CSTPP1: variants seen among roughly 807,000 people sequenced by gnomAD.
CSTPP1 encodes the protein UPF0705 protein C11orf49.
At chr11:47,153,909 G>A in the CSTPP1 span, among the ~76,000 whole-genome samples, 1 of 152,192 alleles carries the variant, frequency 6.6e-6, no homozygotes, top group East Asian at 1.9e-4. Context: ...AGTGGAGAGA[G>A]ATTTAGAAAA....
At chr11:47,101,795 G>C in the CSTPP1 span, among the ~76,000 whole-genome samples, 1 of 152,060 alleles carries the variant, frequency 6.6e-6, no homozygotes, top group Non-Finnish European at 1.5e-5. Flanking sequence ...AAGCAAAACA[G>C]CCTTTATAAA....
At chr11:47,035,614 C>T in the CSTPP1 span, among the ~76,000 whole-genome samples, 2 of 152,142 alleles carry the variant, frequency 1.3e-5, no homozygotes, top group African/African-American at 4.8e-5. Context: ...TGTTTGCTTA[C>T]ATTTCTCTCC....
the CSTPP1 span, among the ~76,000 whole-genome samples, chr11:47,081,822 G>A: frequency 6.6e-6 from 1 of 151,970 alleles, no homozygotes; most frequent in South Asian, 2.1e-4. Flanking sequence ...CAGCTACAGT[G>A]GCTCATACCT....
chr11:47,145,419 G>A, the CSTPP1 span, among the ~76,000 whole-genome samples: 12 of 151,796 alleles, frequency 7.9e-5, no homozygotes, highest in East Asian at 2.0e-4. Flanking sequence ...GTGAAACCCC[G>A]TCTCTACTAA....
At chr11:46,979,885 C>T in the CSTPP1 span, among the ~76,000 whole-genome samples, 4 of 152,126 alleles carry the variant, frequency 2.6e-5, no homozygotes, top group East Asian at 7.7e-4. Context: ...TACACTCCAG[C>T]CTGGGTGACA....
chr11:47,016,398 A>AC, the CSTPP1 span, among the ~76,000 whole-genome samples: 4 of 139,664 alleles, frequency 2.9e-5, no homozygotes, highest in Admixed American at 1.4e-4. Flanking sequence ...TACAAAAAAC[A>AC]AAAAACAAAA....
chr11:47,155,638 G>A, the CSTPP1 span: 3 of 236,112 alleles, frequency 1.3e-5, no homozygotes, highest in Non-Finnish European at 2.5e-5. Context: ...TTGAGAGAGA[G>A]TCCTTTCAGA....
the CSTPP1 span, among the ~76,000 whole-genome samples, chr11:47,136,089 C>T: frequency 3.9e-5 from 6 of 152,164 alleles, no homozygotes; most frequent in African/African-American, 1.4e-4. Context: ...AACACTCTGA[C>T]TCTCCCTAAG....
chr11:47,012,864 C>T, the CSTPP1 span, among the ~76,000 whole-genome samples: 9 of 151,438 alleles, frequency 5.9e-5, no homozygotes, highest in Non-Finnish European at 1.3e-4. Context: ...TTTATACTAC[C>T]GAGGTCAGGT....
the CSTPP1 span, among the ~76,000 whole-genome samples, chr11:46,976,122 T>C: frequency 1.3e-5 from 2 of 152,150 alleles, no homozygotes; most frequent in African/African-American, 2.4e-5. Context: ...TTTTCTAACA[T>C]GTAGGCAATG....
the CSTPP1 span, among the ~76,000 whole-genome samples, chr11:47,017,914 C>T: frequency 1.3e-5 from 2 of 152,058 alleles, no homozygotes; most frequent in African/African-American, 2.4e-5. Flanking sequence ...GTGATCTGCC[C>T]ACCTTGGCCT....
chr11:47,147,772 G>A, the CSTPP1 span, among the ~76,000 whole-genome samples: 2 of 152,130 alleles, frequency 1.3e-5, no homozygotes, highest in African/African-American at 4.8e-5. Context: ...ACCTGAGTCA[G>A]GTTTCTTAAT....
the CSTPP1 span, among the ~76,000 whole-genome samples, chr11:46,959,169 T>C: frequency 3.5e-4 from 54 of 152,134 alleles, no homozygotes; most frequent in Middle Eastern, 0.014. Flanking sequence ...AGAATATTAA[T>C]TGTAGAGTTT....
chr11:47,134,070 C>T, the CSTPP1 span, among the ~76,000 whole-genome samples: 1 of 152,208 alleles, frequency 6.6e-6, no homozygotes, highest in Admixed American at 6.5e-5. Context: ...CCTCTCTTTC[C>T]TTGCTCACCA....
At chr11:47,069,612 T>A in the CSTPP1 span, among the ~76,000 whole-genome samples, 1 of 152,222 alleles carries the variant, frequency 6.6e-6, no homozygotes, top group African/African-American at 2.4e-5. Flanking sequence ...ACTTGTTTAT[T>A]GGATATTTCA....
At chr11:47,003,558 C>T in the CSTPP1 span, among the ~76,000 whole-genome samples, 24 of 152,324 alleles carry the variant, frequency 1.6e-4, 2 homozygotes, top group African/African-American at 5.1e-4. Context: ...AACAAATTGT[C>T]TCTCAGGATC....
chr11:47,121,866 G>A, the CSTPP1 span, among the ~76,000 whole-genome samples: 1 of 151,358 alleles, frequency 6.6e-6, no homozygotes, highest in Non-Finnish European at 1.5e-5. Flanking sequence ...GAGCCCAGGA[G>A]TTTGAAACCA....
At chr11:46,971,826 T>TACA in the CSTPP1 span, among the ~76,000 whole-genome samples, 3 of 152,116 alleles carry the variant, frequency 2.0e-5, no homozygotes, top group African/African-American at 7.2e-5. Context: ...GTGGCACTTG[T>TACA]GGTCCTAGCT....
At chr11:47,111,296 T>C in the CSTPP1 span, among the ~76,000 whole-genome samples, 1 of 152,206 alleles carries the variant, frequency 6.6e-6, no homozygotes, top group African/African-American at 2.4e-5. Flanking sequence ...ATGTTAAAGA[T>C]TAAAGAGCCT....
Sources: gnomAD v4.1 joint callset for allele counts (sites outside exome capture counted in the v4.1 genomes callset) on GRCh38, gnomAD v4.1.1 for gene constraint, MANE v1.5 for transcripts, NCBI Gene and HGNC (gene_info 2026-07-23, HGNC 2026-07-21) for gene names.